The following CFAP54 variants were observed in gnomAD, a reference collection of about 807,000 sequenced individuals.
CFAP54 encodes the protein cilia- and flagella-associated protein 54.
Under a neutral mutation model 370.4 loss-of-function variants are expected in CFAP54, and 290 were observed. The ratio of observed to expected loss-of-function variants is 0.78; its 90% CI spans 0.71 to 0.86. CFAP54 has a LOEUF of 0.86. Among genes scored for constraint, CFAP54 ranks in the 40% least tolerant of loss-of-function variants. CFAP54 has a pLI of 0.00. For missense variants in CFAP54, 3,399 were observed against 3,528.7 expected (o/e 0.96, Z 0.93); for synonymous variants, 1,206 against 1,236.5 (o/e 0.98, Z 0.52).
chr12:96,689,415 C>T (rs1957365489), intron 43 of CFAP54, among the ~76,000 whole-genome samples: 1 of 152,196 alleles, frequency 6.6e-6, no homozygotes, highest in South Asian at 2.1e-4. Flanking sequence ...CCCGTCTTGG[C>T]CTCCCAAAGT....
intron 60 of CFAP54, among the ~76,000 whole-genome samples, chr12:96,781,703 A>G (rs1244998259): frequency 6.6e-6 from 1 of 152,140 alleles, no homozygotes; most frequent in East Asian, 1.9e-4. Context: ...AACATTGTTG[A>G]TATATAAAAA....
chr12:96,715,732 C>A (rs1407063225), intron 48 of CFAP54, among the ~76,000 whole-genome samples: 1 of 152,132 alleles, frequency 6.6e-6, no homozygotes, highest in Non-Finnish European at 1.5e-5. Context: ...TAACAAAAGA[C>A]AAAAGGCACT....
intron 66 of CFAP54, among the ~76,000 whole-genome samples, chr12:96,844,833 A>C (rs1199478089): frequency 6.6e-6 from 1 of 152,106 alleles, no homozygotes; most frequent in African/African-American, 2.4e-5. Flanking sequence ...AAGGTTCTGT[A>C]TGAAACGCCC....
intron 60 of CFAP54, among the ~76,000 whole-genome samples, chr12:96,771,646 C>T (rs772838705): frequency 7.2e-5 from 11 of 152,042 alleles, no homozygotes; most frequent in East Asian, 3.9e-4. Flanking sequence ...AGCGAGACTC[C>T]GCCTCAAAAA....
intron 3 of CFAP54, among the ~76,000 whole-genome samples, chr12:96,506,250 A>G (rs1955098921): frequency 6.6e-6 from 1 of 151,572 alleles, no homozygotes; most frequent in African/African-American, 2.4e-5. Context: ...GAGGCAGGAG[A>G]ATGGCGTGAA....
In CFAP54 at chr12:96,788,965, A is replaced by C. The variant is rs147445122; in HGVS notation, c.8679+2067A>C. Among the ~76,000 whole-genome samples, 151 of 152,334 alleles carry C rather than the reference A, an allele frequency of 9.9e-4. 2 individuals carry two copies. Among genetic ancestry groups the C allele is most frequent in the African/African-American group, 3.4e-3 (142 of 41,572 alleles). On this transcript the variant is annotated intron_variant, in intron 62 of 67. Coordinates refer to ENST00000524981, the MANE Select transcript of CFAP54 (RefSeq NM_001306084.2). ...GATTCTAAATCATTCAGGAAATAAG[A>C]GAAAAGAGTAAAACAGATTGGGATT...
chr12:96,567,322 A>C (rs765424350), intron 19 of CFAP54, among the ~76,000 whole-genome samples: 2 of 152,212 alleles, frequency 1.3e-5, no homozygotes, highest in Non-Finnish European at 2.9e-5. Context: ...AGATGTGTTC[A>C]TAAGAAGTAT....
chr12:96,804,314 A>G lies in CFAP54; in HGVS notation c.8851-7422A>G, dbSNP rs149243817. The stretch of plus-strand genomic sequence containing the variant: ...AGCTATCAGGCAAGAGAAAACTATT[A>G]AAGACATACAAATTGGAAAACAAGA... On this transcript the variant is annotated intron_variant, in intron 63 of 67. Transcript: ENST00000524981. 1.9e-3 allele frequency among the ~76,000 whole-genome samples: 286 copies of G among 152,326 alleles called. 1 individual carries two copies. Among genetic ancestry groups the G allele is most frequent in the Middle Eastern group, 6.8e-3 (2 of 294 alleles).
At chr12:96,678,010 G>A (rs1351805511) in intron 39 of CFAP54, among the ~76,000 whole-genome samples, 1 of 152,096 alleles carries the variant, frequency 6.6e-6, no homozygotes, top group East Asian at 1.9e-4. Context: ...TACAAATCTG[G>A]GTCATTGTCT....
At chr12:96,772,635 C>T (rs899819551) in intron 60 of CFAP54, among the ~76,000 whole-genome samples, 5 of 137,812 alleles carry the variant, frequency 3.6e-5, no homozygotes, top group Non-Finnish European at 5.9e-5. Context: ...TCTTGTTGCC[C>T]AGGCTGGAGT....
chr12:96,720,385 G>T lies in CFAP54; in HGVS notation c.6805-20G>T. ...TGTATTATTTCTGAACTCACGTGAT[G>T]TATGGTATCCTTTCCTTAGTCGATG... On this transcript the variant is annotated intron_variant, in intron 49 of 67. Coordinates refer to ENST00000524981, the MANE Select transcript of CFAP54 (RefSeq NM_001306084.2). 7.1e-7 allele frequency: 1 copy of T among 1,415,464 alleles called. No homozygotes were observed. Among genetic ancestry groups the T allele is most frequent in the South Asian group, 1.7e-5 (1 of 59,088 alleles). The allele number at this position is 1,415,464 out of a possible 1,614,324, so 87.7% of individuals were successfully genotyped here.
intron 35 of CFAP54, among the ~76,000 whole-genome samples, chr12:96,651,270 C>A (rs1209531262): frequency 6.6e-6 from 1 of 152,164 alleles, no homozygotes; most frequent in South Asian, 2.1e-4. Context: ...AGCATGAGGG[C>A]AGACCCAGTT....
rs1201246410 is a variant in CFAP54 at position 96,489,630 on chromosome 12, C to T, written c.21C>T (p.Pro7=). 7.2e-6 allele frequency: 11 copies of T among 1,526,662 alleles called. No homozygotes were observed. The highest frequency in any genetic ancestry group is 2.4e-5 in the South Asian group (2 of 83,810). 94.6% of individuals were successfully genotyped at this position (1,526,662 alleles called of 1,614,324 possible). The change falls in exon 1 of 68, where the codon CCC becomes CCT. Residue 7 remains proline (P), a synonymous_variant. Transcript: ENST00000524981. The stretch of plus-strand genomic sequence containing the variant: ...TCAATATGGCGGCGCAGGGCTCCCC[C>T]TCGAGCTCTCCGTCAGACGACTCTA... The part of the protein sequence containing the change: MAAQGS[P]SSSPSDDSTT...
In CFAP54 at chr12:96,844,244, G is replaced by A. The variant is rs540118642; in HGVS notation, c.9171+15156G>A. On this transcript the variant is annotated intron_variant, in intron 66 of 67. Coordinates refer to ENST00000524981, the MANE Select transcript of CFAP54 (RefSeq NM_001306084.2). ...GGGGAGAGGGGCAGATGATCCAGGT[G>A]ATCTCTAAATGTCATCACAAGTATC... Among the ~76,000 whole-genome samples, 6 of 152,254 alleles carry A rather than the reference G, an allele frequency of 3.9e-5. No individual in the cohort carries two copies. In the East Asian group the frequency reaches 1.2e-3, roughly 29 times the overall value.
chr12:96,857,219 G>A (rs186653801), intron 66 of CFAP54, among the ~76,000 whole-genome samples: 82 of 152,306 alleles, frequency 5.4e-4, no homozygotes, highest in African/African-American at 1.9e-3. Flanking sequence ...GATGAGATTT[G>A]AGTGGGGACA....
intron 65 of CFAP54, 81 bp downstream of exon 65, chr12:96,817,994 A>G: frequency 2.0e-6 from 2 of 1,023,348 alleles, no homozygotes; most frequent in Non-Finnish European, 2.6e-6. Context: ...AACTGGACTT[A>G]AACTCTGTAA....
intron 65 of CFAP54, among the ~76,000 whole-genome samples, chr12:96,828,631 G>A (rs1360138852): frequency 1.3e-5 from 2 of 152,088 alleles, no homozygotes; most frequent in Non-Finnish European, 2.9e-5. Context: ...GCTGTGGGCA[G>A]TGTCATCATG....
chr12:96,581,049 C>A lies in CFAP54; in HGVS notation c.3019C>A (p.Pro1007Thr). The A allele has an allele frequency of 6.5e-7, 1 of 1,530,640 alleles. No individual in the cohort carries two copies. Among genetic ancestry groups the A allele is most frequent in the Non-Finnish European group, 8.7e-7 (1 of 1,144,004 alleles). The allele number at this position is 1,530,640 out of a possible 1,614,324, so 94.8% of individuals were successfully genotyped here. ...TGGTGCTATTGGGGAGACAACTAAA[C>A]CAATTCTGGTTTATCCCCCTCTTTC... ...VGGAIGETTK[P>T]ILVYPPLSTI... The change falls in exon 22 of 68, where the codon CCA becomes ACA. Residue 1007 changes from proline to threonine, a missense_variant. This residue lies in a region of CFAP54 where 2,796 missense variants were observed against 2,869.7 expected (regional missense o/e 0.97). Coordinates refer to ENST00000524981, the MANE Select transcript of CFAP54 (RefSeq NM_001306084.2).
intron 39 of CFAP54, among the ~76,000 whole-genome samples, chr12:96,668,102 A>G (rs1040835915): frequency 1.6e-4 from 24 of 152,200 alleles, no homozygotes; most frequent in African/African-American, 5.5e-4. Flanking sequence ...CCATTCAACA[A>G]GTCTCTAGGA....
Sources: gnomAD v4.1 joint callset for allele counts (sites outside exome capture counted in the v4.1 genomes callset) on GRCh38, gnomAD v4.1.1 for gene constraint, gnomAD v4.1.1 regional missense constraint, MANE v1.5 for transcripts, NCBI Gene and HGNC (gene_info 2026-07-23, HGNC 2026-07-21) for gene names.